Variants in NRXN1 observed in about 807,000 individuals in gnomAD.
NRXN1 encodes the protein neurexin 1.
In NRXN1, 39 loss-of-function variants were observed where a neutral mutation model predicts 150.9. The observed-to-expected ratio is 0.26, with a 90% CI of 0.20 to 0.34. NRXN1 has a LOEUF of 0.34. Among genes scored for constraint, NRXN1 ranks in the 10% least tolerant of loss-of-function variants. NRXN1 has a pLI of 1.00. For missense variants in NRXN1, 1,815 were observed against 1,949.9 expected (o/e 0.93, Z 1.30); for synonymous variants, 924 against 757.0 (o/e 1.22, Z -3.62).
rs772301865 is a variant in NRXN1, at chr2:51,028,392, TGA to T, written c.-121_-120del. ...AGAAAGGTAAGGGGAAAGGCGGGAG[TGA>T]GAGGGATGTGCCCTCCTTTATCTAG... On this transcript the variant is annotated 5_prime_UTR_variant, in exon 2 of 23. Transcript: ENST00000401669. The T allele has an allele frequency of 7.6e-5, 46 of 601,860 alleles. No homozygotes were observed. The South Asian group carries it at 9.5e-4, about 12-fold the overall frequency. 37.3% of individuals were successfully genotyped at this position (601,860 alleles called of 1,614,324 possible).
chr2:50,117,736 CG>C (rs1415380357), intron 18 of NRXN1, among the ~76,000 whole-genome samples: 1 of 150,034 alleles, frequency 6.7e-6, no homozygotes, highest in African/African-American at 2.5e-5. Context: ...TACTTCTCAC[CG>C]ATTCAGTGAG....
intron 18 of NRXN1, among the ~76,000 whole-genome samples, chr2:50,139,516 C>T (rs868788285): frequency 6.6e-6 from 1 of 152,028 alleles, no homozygotes; most frequent in Admixed American, 6.6e-5. Context: ...GTATGACGGA[C>T]AGCTGAAAAG....
intron 18 of NRXN1, among the ~76,000 whole-genome samples, chr2:50,133,180 T>C (rs1447537562): frequency 1.3e-5 from 2 of 148,236 alleles, no homozygotes; most frequent in Admixed American, 6.9e-5. Context: ...AATCCCCATG[T>C]AGCTGGCTTA....
chr2:50,827,260 T>C (rs1670584174), intron 5 of NRXN1, among the ~76,000 whole-genome samples: 1 of 152,254 alleles, frequency 6.6e-6, no homozygotes, highest in African/African-American at 2.4e-5. Flanking sequence ...ACTATCATTT[T>C]TACCTATACT....
intron 5 of NRXN1, among the ~76,000 whole-genome samples, chr2:50,668,991 G>A (rs1364368643): frequency 6.6e-6 from 1 of 151,938 alleles, no homozygotes; most frequent in Non-Finnish European, 1.5e-5. Flanking sequence ...GGGGATACAG[G>A]CCCTCCAGGT....
At chr2:51,010,355 T>C (rs1667651948) in intron 2 of NRXN1, among the ~76,000 whole-genome samples, 1 of 152,036 alleles carries the variant, frequency 6.6e-6, no homozygotes, top group Non-Finnish European at 1.5e-5. Flanking sequence ...ATTTTGCATA[T>C]ATGTGTATGT....
In NRXN1 at chr2:50,884,280, T is replaced by G. The variant is rs532284195; in HGVS notation, c.832+37589A>C. 5.3e-5 allele frequency among the ~76,000 whole-genome samples: 8 copies of G among 151,934 alleles called. No individual in the cohort carries two copies. The South Asian group carries it at 1.5e-3, about 28-fold the overall frequency. On this transcript the variant is annotated intron_variant, in intron 5 of 22. Transcript: ENST00000401669. ...TAAATGTTATTTTCTCAACAATGTA[T>G]CAATCAAAGCTGTATTAATTGTATT...
At chr2:50,318,975 T>C (rs1411633130) in intron 17 of NRXN1, among the ~76,000 whole-genome samples, 1 of 151,966 alleles carries the variant, frequency 6.6e-6, no homozygotes. Context: ...TAAAGAAATA[T>C]TTAATATTGT....
At chr2:50,133,042 A>C (rs1391353452) in intron 18 of NRXN1, among the ~76,000 whole-genome samples, 1 of 152,146 alleles carries the variant, frequency 6.6e-6, no homozygotes, top group Non-Finnish European at 1.5e-5. Context: ...TAGGAAGTGC[A>C]AGGGAGGTGG....
At chr2:50,122,042 C>A (rs1036572302) in intron 18 of NRXN1, among the ~76,000 whole-genome samples, 1 of 152,200 alleles carries the variant, frequency 6.6e-6, no homozygotes, top group Non-Finnish European at 1.5e-5. Flanking sequence ...CATAAAAAGT[C>A]TGTTTGGTGA....
intron 17 of NRXN1, among the ~76,000 whole-genome samples, chr2:50,355,658 C>G (rs887522699): frequency 2.0e-5 from 3 of 152,112 alleles, no homozygotes; most frequent in African/African-American, 7.2e-5. Flanking sequence ...ATTGTTCTAT[C>G]AAATGTTAAT....
intron 18 of NRXN1, among the ~76,000 whole-genome samples, chr2:50,154,172 C>T (rs956187715): frequency 2.0e-5 from 3 of 151,494 alleles, no homozygotes; most frequent in Non-Finnish European, 3.0e-5. Flanking sequence ...CCAGACTCCT[C>T]TTTGAAGATT....
chr2:50,972,338 CT>C (rs2104797540), intron 2 of NRXN1, among the ~76,000 whole-genome samples: 1 of 152,072 alleles, frequency 6.6e-6, no homozygotes, highest in East Asian at 1.9e-4. Context: ...TGGCTTTGAT[CT>C]ACTTTTACCC....
intron 8 of NRXN1, among the ~76,000 whole-genome samples, chr2:50,575,764 A>G (rs980735901): frequency 6.6e-6 from 1 of 152,174 alleles, no homozygotes. Flanking sequence ...TGACTTGTAG[A>G]AAGTGTTCAA....
intron 5 of NRXN1, among the ~76,000 whole-genome samples, chr2:50,834,112 C>A (rs559922069): frequency 1.3e-5 from 2 of 152,060 alleles, no homozygotes. Flanking sequence ...TGGCAAATTT[C>A]TTATTATTTA....
chr2:50,966,241 G>A lies in NRXN1; in HGVS notation c.773-40286C>T, dbSNP rs1052987136. Among the ~76,000 whole-genome samples the A allele has an allele frequency of 2.6e-5, 4 of 151,312 alleles. No homozygotes were observed. In the South Asian group the frequency reaches 8.3e-4, roughly 31 times the overall value. ...TAATGACATGTCTGTATGATCTTCA[G>A]CTGTTATAAAATGTCAGGTGCTGGA... On this transcript the variant is annotated intron_variant, in intron 2 of 22. Transcript: ENST00000401669.
intron 19 of NRXN1, among the ~76,000 whole-genome samples, chr2:50,084,703 G>C (rs958436240): frequency 1.3e-5 from 2 of 152,174 alleles, no homozygotes; most frequent in Non-Finnish European, 2.9e-5. Context: ...CTGAATGGGC[G>C]CCGAGGCCGA....
chr2:50,478,960 T>TATA (rs2104765238), intron 15 of NRXN1, among the ~76,000 whole-genome samples: 1 of 152,322 alleles, frequency 6.6e-6, no homozygotes, highest in Admixed American at 6.5e-5. Context: ...ACACACCTTT[T>TATA]AAGTACTAAC....
intron 8 of NRXN1, among the ~76,000 whole-genome samples, chr2:50,592,891 A>G (rs977448962): frequency 2.6e-5 from 4 of 152,196 alleles, no homozygotes; most frequent in African/African-American, 9.7e-5. Flanking sequence ...CAGCAGCAGA[A>G]AGCTTGTCAT....
Sources: allele counts gnomAD v4.1 joint callset (sites outside exome capture counted in the v4.1 genomes callset), GRCh38; gene constraint gnomAD v4.1.1; transcripts MANE v1.5; gene names NCBI Gene and HGNC (gene_info 2026-07-23, HGNC 2026-07-21).